The following GRK4 variants were observed in gnomAD, a reference collection of about 807,000 sequenced individuals.
GRK4 encodes the protein G protein-coupled receptor kinase 2-like.
GRK4 carries 73 observed loss-of-function variants against 77.9 expected under a neutral mutation model. The observed-to-expected ratio is 0.94, with a 90% CI of 0.78 to 1.14. The LOEUF is 1.14. GRK4 is among the 50% of genes most tolerant of loss of function. The pLI is 0.00. For synonymous variants in GRK4, 257 were observed against 254.4 expected (o/e 1.01, Z -0.10); for missense variants, 729 against 700.2 (o/e 1.04, Z -0.46).
intron 3 of GRK4, among the ~76,000 whole-genome samples, chr4:2,989,971 C>G (rs1325953109): frequency 6.6e-6 from 1 of 152,168 alleles, no homozygotes; most frequent in Non-Finnish European, 1.5e-5. Context: ...GATCCTTCCT[C>G]TCTCTGCTTT....
intron 4 of GRK4, among the ~76,000 whole-genome samples, chr4:2,993,415 T>C (rs779627106): frequency 2.6e-5 from 4 of 152,236 alleles, no homozygotes; most frequent in Non-Finnish European, 4.4e-5. Flanking sequence ...GGCTCACGCC[T>C]GTAACCCCAG....
chr4:3,030,136 A>T (rs990512975), intron 12 of GRK4, among the ~76,000 whole-genome samples: 2 of 152,194 alleles, frequency 1.3e-5, no homozygotes, highest in African/African-American at 4.8e-5. Context: ...AGACACTCTG[A>T]CCTGAGGGCC....
chr4:3,032,846 C>T (rs766150317), intron 12 of GRK4, among the ~76,000 whole-genome samples: 27 of 152,328 alleles, frequency 1.8e-4, no homozygotes, highest in African/African-American at 5.3e-4. Context: ...TATGGGTTAA[C>T]GACGTCACAC....
chr4:3,000,045 T>G (rs1729074365), intron 4 of GRK4, among the ~76,000 whole-genome samples: 1 of 152,180 alleles, frequency 6.6e-6, no homozygotes, highest in Non-Finnish European at 1.5e-5. Context: ...CAGTGGTCTT[T>G]CCTATTAGAA....
intron 12 of GRK4, among the ~76,000 whole-genome samples, chr4:3,031,488 C>G (rs1333883406): frequency 6.6e-6 from 1 of 152,196 alleles, no homozygotes; most frequent in Non-Finnish European, 1.5e-5. Context: ...GCTGCACTCG[C>G]CCAGCTCTGG....
chr4:2,965,459 C>T (rs1329872204), intron 1 of GRK4: 2 of 702,934 alleles, frequency 2.8e-6, no homozygotes, highest in African/African-American at 1.7e-5. Flanking sequence ...CCTCTATTTC[C>T]TTGCGTGATG....
At chr4:3,021,194 G>T (rs1174852430) in intron 9 of GRK4, among the ~76,000 whole-genome samples, 4 of 152,142 alleles carry the variant, frequency 2.6e-5, no homozygotes, top group Admixed American at 2.0e-4. Context: ...TCATGCGAGG[G>T]TTTTAGCTGC....
At chr4:2,976,716 C>T (rs1038891713) in intron 1 of GRK4, among the ~76,000 whole-genome samples, 1 of 150,352 alleles carries the variant, frequency 6.7e-6, no homozygotes, top group Non-Finnish European at 1.5e-5. Context: ...TCCCAGCTCA[C>T]CACAACCTCC....
At chr4:3,027,063 T>C (rs1453339108) in intron 10 of GRK4, among the ~76,000 whole-genome samples, 3 of 152,204 alleles carry the variant, frequency 2.0e-5, no homozygotes, top group Non-Finnish European at 2.9e-5. Context: ...TCTTTATAAT[T>C]TTTTTGAGAC....
At chr4:3,022,599 A>T (rs192654357) in intron 10 of GRK4, 148 bp downstream of exon 10, 4 of 703,234 alleles carry the variant, frequency 5.7e-6, no homozygotes, top group Non-Finnish European at 9.5e-6. Context: ...TGTTCATTTT[A>T]AAAAGATGAA....
chr4:2,990,458 T>C (rs1257018898), intron 3 of GRK4, among the ~76,000 whole-genome samples: 1 of 152,058 alleles, frequency 6.6e-6, no homozygotes, highest in African/African-American at 2.4e-5. Flanking sequence ...GGTTTCCCCA[T>C]GTTGGCTAGG....
At chr4:2,968,125 C>T (rs1177742829) in intron 1 of GRK4, among the ~76,000 whole-genome samples, 1 of 151,694 alleles carries the variant, frequency 6.6e-6, no homozygotes, top group Non-Finnish European at 1.5e-5. Context: ...GGATTTTTTC[C>T]CTGTATAATA....
At chr4:3,030,057 T>A (rs1297248714) in intron 12 of GRK4, among the ~76,000 whole-genome samples, 3 of 152,192 alleles carry the variant, frequency 2.0e-5, no homozygotes, top group Non-Finnish European at 4.4e-5. Context: ...AAGTTAGACA[T>A]AAAACCAATC....
intron 11 of GRK4, 53 bp from the exon 12 acceptor site, chr4:3,029,148 A>G: frequency 2.1e-6 from 3 of 1,427,344 alleles, no homozygotes; most frequent in Non-Finnish European, 2.9e-6. Flanking sequence ...AATTATAAGA[A>G]AATTTAAAAT....
In GRK4 at chr4:2,967,462, A is replaced by G. The variant is rs887015990; in HGVS notation, c.52+3340A>G. Among the ~76,000 whole-genome samples the G allele has an allele frequency of 7.9e-5, 12 of 152,040 alleles. No homozygotes were observed. In the East Asian group the frequency reaches 2.3e-3, roughly 30 times the overall value. On this transcript the variant is annotated intron_variant, in intron 1 of 15. Coordinates refer to ENST00000398052, the MANE Select transcript of GRK4 (RefSeq NM_182982.3). The stretch of plus-strand genomic sequence containing the variant: ...GTCACCCAGGCTGGAGTGCAGTGGT[A>G]TGATCTCAGCACACTGCAACCTCTG...
At chr4:3,009,556 T>A (rs1732290931) in intron 6 of GRK4, 92 bp from the exon 7 acceptor site, 1 of 923,746 alleles carries the variant, frequency 1.1e-6, no homozygotes, top group Admixed American at 1.9e-5. Flanking sequence ...AATGGTTCAA[T>A]AAATGAGGCG....
chr4:3,038,593 G>C, intron 15 of GRK4, 80 bp downstream of exon 15: 1 of 1,498,586 alleles, frequency 6.7e-7, no homozygotes, highest in South Asian at 1.3e-5. Flanking sequence ...TGAAAACCTG[G>C]TACTTTTTCT....
intron 14 of GRK4, 29 bp downstream of exon 14, chr4:3,037,540 C>T (rs201665734): frequency 6.5e-5 from 103 of 1,580,640 alleles, no homozygotes; most frequent in South Asian, 2.5e-4. Flanking sequence ...AGCCGCTTTA[C>T]GTTAGTTCCA....
intron 1 of GRK4, among the ~76,000 whole-genome samples, chr4:2,976,715 A>G (rs7657843): frequency 0.011 from 1,514 of 140,586 alleles, 28 homozygotes; most frequent in African/African-American, 0.039. Flanking sequence ...ATCCCAGCTC[A>G]CCACAACCTC....
Sources: allele counts gnomAD v4.1 joint callset (sites outside exome capture counted in the v4.1 genomes callset), GRCh38; gene constraint gnomAD v4.1.1; transcripts MANE v1.5; gene names NCBI Gene and HGNC (gene_info 2026-07-23, HGNC 2026-07-21).